Variants in RBFOX1 observed in about 807,000 individuals in gnomAD.
RBFOX1 encodes RNA binding protein fox-1 homolog 1.
In RBFOX1, 8 loss-of-function variants were observed where a neutral mutation model predicts 57.7. The ratio of observed to expected loss-of-function variants is 0.14; its 90% CI spans 0.08 to 0.25. RBFOX1 has a LOEUF of 0.25. Among genes scored for constraint, RBFOX1 ranks in the 10% least tolerant of loss-of-function variants. The probability of loss-of-function intolerance (pLI) is 1.00; values close to 1 mark genes in which losing one functional copy is unlikely to be tolerated. For synonymous variants in RBFOX1, 326 were observed against 222.4 expected, an observed-to-expected ratio of 1.47 and a Z score of -4.15; for missense variants, 611 against 548.5, an observed-to-expected ratio of 1.11 and a Z score of -1.14.
chr16:7,181,860 C>A (rs1174532635), intron 4 of RBFOX1, among the ~76,000 whole-genome samples: 1 of 152,096 alleles, frequency 6.6e-6, no homozygotes, highest in East Asian at 1.9e-4. Flanking sequence ...CATACCCGGG[C>A]CCCAGAGGAG....
At chr16:6,851,395 A>AGG (rs1214132644) in intron 3 of RBFOX1, among the ~76,000 whole-genome samples, 8 of 152,192 alleles carry the variant, frequency 5.3e-5, no homozygotes, top group Non-Finnish European at 1.2e-4. Flanking sequence ...GAGCAATAAG[A>AGG]GTAGAGGTCA....
intron 2 of RBFOX1, among the ~76,000 whole-genome samples, chr16:6,646,679 C>G (rs960268635): frequency 1.3e-5 from 2 of 152,048 alleles, no homozygotes; most frequent in African/African-American, 2.4e-5. Flanking sequence ...AGACAGAGAG[C>G]TGCTTTTCCT....
intron 4 of RBFOX1, among the ~76,000 whole-genome samples, chr16:7,151,171 G>C (rs562563823): frequency 6.6e-6 from 1 of 152,272 alleles, no homozygotes; most frequent in African/African-American, 2.4e-5. Flanking sequence ...TGCTGAACTA[G>C]AGGCTACCTT....
intron 6 of RBFOX1, among the ~76,000 whole-genome samples, chr16:7,583,625 G>T (rs1485503080): frequency 2.0e-5 from 3 of 152,136 alleles, no homozygotes; most frequent in Non-Finnish European, 2.9e-5. Flanking sequence ...AATGACTACA[G>T]TTCTCAAATT....
chr16:6,362,504 C>G (rs909885744), intron 2 of RBFOX1, among the ~76,000 whole-genome samples: 7 of 152,210 alleles, frequency 4.6e-5, no homozygotes, highest in African/African-American at 1.7e-4. Flanking sequence ...TCTGTTGGCA[C>G]TGGCTCACGC....
At chr16:6,245,451 G>C (rs1263047582) in intron 1 of RBFOX1, among the ~76,000 whole-genome samples, 1 of 152,072 alleles carries the variant, frequency 6.6e-6, no homozygotes, top group Admixed American at 6.6e-5. Context: ...TAAGCACTTT[G>C]TAGAGTGCAG....
intron 2 of RBFOX1, among the ~76,000 whole-genome samples, chr16:6,481,865 G>C (rs1033231191): frequency 1.3e-5 from 2 of 152,132 alleles, no homozygotes; most frequent in Non-Finnish European, 2.9e-5. Flanking sequence ...AACTCTGCAA[G>C]GAGAAAGTTA....
At chr16:5,375,844 C>T (rs571163663) in intron 1 of RBFOX1, among the ~76,000 whole-genome samples, 2 of 152,230 alleles carry the variant, frequency 1.3e-5, no homozygotes, top group African/African-American at 4.8e-5. Flanking sequence ...GTGCCCTTTG[C>T]GATAAGACTT....
rs139938081 is a variant in RBFOX1, at chr16:6,837,808, T to G, written c.-16+183158T>G. ...TTGTTATCATTGGTAGAAGTGGTAG[T>G]AATGAGGTAGCACTTGGGACTCCAC... On this transcript the variant is annotated intron_variant, in intron 3 of 15. Transcript: ENST00000550418. 3.8e-3 allele frequency among the ~76,000 whole-genome samples: 583 copies of G among 152,306 alleles called. 2 individuals are homozygous for G. Among genetic ancestry groups the G allele is most frequent in the African/African-American group, 0.013 (543 of 41,556 alleles).
intron 1 of RBFOX1, among the ~76,000 whole-genome samples, chr16:6,040,157 A>G (rs2095420413): frequency 6.6e-6 from 1 of 152,178 alleles, no homozygotes; most frequent in African/African-American, 2.4e-5. Context: ...ATATTAATTC[A>G]CTCTGTTGCA....
Position 5,849,136 on chromosome 16 carries a change from G to A in RBFOX1, c.319-18167G>A, listed in dbSNP as rs566643253. ...GCAGAGTCCATTGGAGCGTCGTTGG[G>A]GTCAGAGATAAGGTTGCATTGAACT... is the stretch of plus-strand genomic sequence containing the variant. On this transcript the variant is annotated intron_variant, in intron 3 of 19. Coordinates refer to the RBFOX1 transcript ENST00000641259. Among the ~76,000 whole-genome samples the A allele has an allele frequency of 1.7e-3, 260 of 152,102 alleles. 1 individual carries two copies. The highest frequency in any genetic ancestry group is 6.0e-3 in the African/African-American group (248 of 41,510).
At position 5,737,849 on chromosome 16, in the gene RBFOX1, T is replaced by C. The variant is rs188291554; in HGVS notation, c.319-129454T>C. Among the ~76,000 whole-genome samples, 27 of 152,260 alleles carry C rather than the reference T, an allele frequency of 1.8e-4. No individual in the cohort carries two copies. In the East Asian group the frequency reaches 4.6e-3, roughly 26 times the overall value. ...AAATTTGTTTCTTTTTTTATTCTTT[T>C]ATTTTTATTTATTTTTAAAAATTAT... On this transcript the variant is annotated intron_variant, in intron 3 of 19. Coordinates refer to the RBFOX1 transcript ENST00000641259.
intron 4 of RBFOX1, among the ~76,000 whole-genome samples, chr16:5,908,147 C>CAT (rs764804676): frequency 7.0e-6 from 1 of 142,314 alleles, no homozygotes; most frequent in Non-Finnish European, 1.5e-5. Context: ...CATATATACA[C>CAT]ATATATACAC....
chr16:5,908,075 T>TATATATACACATATATACAC (rs1555443708), intron 4 of RBFOX1, among the ~76,000 whole-genome samples: 1 of 118,240 alleles, frequency 8.5e-6, no homozygotes, highest in Non-Finnish European at 1.8e-5. Context: ...TGTATGTATA[T>TATATATACACATATATACAC]ATATATATAT....
At chr16:6,315,905 T>C (rs1393414331) in intron 1 of RBFOX1, among the ~76,000 whole-genome samples, 5 of 152,178 alleles carry the variant, frequency 3.3e-5, no homozygotes, top group Non-Finnish European at 5.9e-5. Flanking sequence ...CATACACATA[T>C]GTCATCTTCA....
At chr16:5,449,585 T>G (rs2068359058) in intron 1 of RBFOX1, among the ~76,000 whole-genome samples, 1 of 152,068 alleles carries the variant, frequency 6.6e-6, no homozygotes, top group East Asian at 1.9e-4. Flanking sequence ...AATATTGACT[T>G]GGAAATATAG....
rs112204607 is a variant in RBFOX1 at position 5,301,324 on chromosome 16, A to G, written c.219+61219A>G. ...GTGTTTACAGACTTCCAACAGCTATATAAGTGAGCTTAGGGCTAGGTGCGG... is the reference window on the plus strand; with the variant it reads ...GTGTTTACAGACTTCCAACAGCTATGTAAGTGAGCTTAGGGCTAGGTGCGG... On this transcript the variant is annotated intron_variant, in intron 1 of 2. Coordinates refer to the RBFOX1 transcript ENST00000585867. Among the ~76,000 whole-genome samples, 201 of 152,056 alleles carry G rather than the reference A, an allele frequency of 1.3e-3. 2 individuals are homozygous for G. Among genetic ancestry groups the G allele is most frequent in the African/African-American group, 4.3e-3 (179 of 41,542 alleles).
intron 2 of RBFOX1, among the ~76,000 whole-genome samples, chr16:6,646,415 A>G (rs1242531400): frequency 6.6e-6 from 1 of 152,142 alleles, no homozygotes; most frequent in Non-Finnish European, 1.5e-5. Flanking sequence ...TAAATTGAAT[A>G]ATCTTAGGGA....
intron 3 of RBFOX1, among the ~76,000 whole-genome samples, chr16:6,802,826 G>A (rs1305321952): frequency 6.6e-6 from 1 of 152,184 alleles, no homozygotes; most frequent in Non-Finnish European, 1.5e-5. Context: ...CGGAGACTTG[G>A]CTATGAAGAA....
Sources: gnomAD v4.1 joint callset for allele counts (sites outside exome capture counted in the v4.1 genomes callset) on GRCh38, gnomAD v4.1.1 for gene constraint, MANE v1.5 for transcripts, NCBI Gene and HGNC (gene_info 2026-07-23, HGNC 2026-07-21) for gene names.